The following TRIP4 variants were observed in gnomAD, a reference collection of about 807,000 sequenced individuals.
The protein encoded by TRIP4 is thyroid hormone receptor interactor 4.
A neutral mutation model predicts 81.8 loss-of-function variants in TRIP4; 54 were observed. That is an observed-to-expected ratio of 0.66 (90% CI 0.53 to 0.83). The LOEUF (loss-of-function observed/expected upper bound fraction) is 0.83, where lower values mean the gene tolerates loss of function less well. Among genes scored for constraint, TRIP4 ranks in the 40% least tolerant of loss-of-function variants. The pLI is 0.00. For missense variants in TRIP4, 662 were observed against 683.6 expected (o/e 0.97, Z 0.35); for synonymous variants, 270 against 242.8 (o/e 1.11, Z -1.04).
intron 11 of TRIP4, among the ~76,000 whole-genome samples, chr15:64,440,711 G>A (rs1047166490): frequency 6.6e-6 from 1 of 152,018 alleles, no homozygotes; most frequent in African/African-American, 2.4e-5. Flanking sequence ...TTTATTGTGA[G>A]GCATGATGGG....
At chr15:64,415,791 T>C (rs1891881088) in intron 8 of TRIP4, among the ~76,000 whole-genome samples, 4 of 152,230 alleles carry the variant, frequency 2.6e-5, no homozygotes, top group Admixed American at 2.0e-4. Flanking sequence ...CTCAACCCAG[T>C]ACAGTAAGCA....
rs35604990 is a variant in TRIP4, at chr15:64,387,884, G to C, written c.21G>C (p.Val7=). 3,066 of 1,548,410 alleles carry C rather than the reference G, an allele frequency of 2.0e-3. 60 individuals are homozygous for C. The African/African-American group carries it at 0.037, about 19-fold the overall frequency. ...GGAAGATGGCGGTGGCTGGGGCGGT[G>C]TCCGGGGAGCCGCTGGTGCACTGGT... MAVAGA[V]SGEPLVHWCT... is the part of the protein sequence containing the mutation. The change falls in exon 1 of 13, where the codon GTG becomes GTC. Residue 7 remains valine, a synonymous_variant. Coordinates refer to ENST00000261884, the MANE Select transcript of TRIP4 (RefSeq NM_016213.5).
rs1459978297 is a variant in TRIP4, at chr15:64,414,222, C to T, written c.1170+11C>T. On this transcript the variant is annotated intron_variant, in intron 8 of 12. Transcript: ENST00000261884. ...CAGTCCCCTCCCCAGGTTAGTGGAC[C>T]TTTGCTCTAACTGTTAATAAGAAGT... 1 of 1,613,138 alleles carries T rather than the reference C, an allele frequency of 6.2e-7. No individual in the cohort carries two copies. Among genetic ancestry groups the T allele is most frequent in the Non-Finnish European group, 8.5e-7 (1 of 1,179,682 alleles).
chr15:64,431,143 C>T (rs948742913), intron 11 of TRIP4, among the ~76,000 whole-genome samples: 27 of 152,054 alleles, frequency 1.8e-4, no homozygotes, highest in Admixed American at 1.3e-4. Context: ...GTATTCAAAC[C>T]AGGCACTGGA....
chr15:64,418,494 G>A lies in TRIP4; in HGVS notation c.1171-47G>A, dbSNP rs372646526. The A allele has an allele frequency of 1.1e-3, 1,678 of 1,523,524 alleles. 31 individuals carry two copies. The South Asian group carries it at 0.02, about 18-fold the overall frequency. 94.4% of individuals were successfully genotyped at this position (1,523,524 alleles called of 1,614,324 possible). Reference sequence around the variant, plus strand: ...CGCATCATTTTGTCTACCTACCCCAGATTCTTGCCTTATAAGATAGAACTG... The same window carrying A: ...CGCATCATTTTGTCTACCTACCCCAAATTCTTGCCTTATAAGATAGAACTG... On this transcript the variant is annotated intron_variant, in intron 8 of 12. Transcript: ENST00000261884.
Position 64,414,113 on chromosome 15 carries a change from A to G in TRIP4, c.1072A>G (p.Asn358Asp), listed in dbSNP as rs74019250. Residue 358 changes from asparagine to aspartate, a missense_variant, in exon 8 of 13, where the codon AAT becomes GAT. Asn to Asp is a conservative substitution (Grantham distance 23, BLOSUM62 1). Coordinates refer to ENST00000261884, the MANE Select transcript of TRIP4 (RefSeq NM_016213.5). ...RLDETIQAIA[N>D]GTLNQPLTKL... is the part of the protein sequence containing the mutation. ...AGATGAGACAATACAGGCCATTGCCAATGGAACCTTGAACCAGCCACTGAC... is the reference window on the plus strand; with the variant it reads ...AGATGAGACAATACAGGCCATTGCCGATGGAACCTTGAACCAGCCACTGAC... The G allele has an allele frequency of 3.4e-4, 555 of 1,614,138 alleles. 2 individuals carry two copies. The African/African-American group carries it at 6.7e-3, about 19-fold the overall frequency.
At chr15:64,402,860 AT>A (rs1366194772) in intron 5 of TRIP4, among the ~76,000 whole-genome samples, 1 of 148,910 alleles carries the variant, frequency 6.7e-6, no homozygotes, top group African/African-American at 2.5e-5. Context: ...TTTATTATTT[AT>A]TTAGTTAGTT....
intron 12 of TRIP4, among the ~76,000 whole-genome samples, chr15:64,446,044 G>A (rs1238980260): frequency 3.9e-5 from 6 of 152,096 alleles, no homozygotes; most frequent in South Asian, 2.1e-4. Flanking sequence ...AGGCTGAGAC[G>A]GGTGGATCAT....
chr15:64,402,756 C>T (rs1206453555), intron 5 of TRIP4, among the ~76,000 whole-genome samples: 1 of 151,906 alleles, frequency 6.6e-6, no homozygotes, highest in Non-Finnish European at 1.5e-5. Flanking sequence ...GAACTCCTGA[C>T]CTCAGATGAT....
rs376169195 is a variant in TRIP4 at position 64,414,214 on chromosome 15, T to C, written c.1170+3T>C. On this transcript the variant is annotated splice_donor_region_variant and intron_variant, in intron 8 of 12. Transcript: ENST00000261884. ...ACATGTACCAGTCCCCTCCCCAGGT[T>C]AGTGGACCTTTGCTCTAACTGTTAA... 9 of 1,613,794 alleles carry C rather than the reference T, an allele frequency of 5.6e-6. No homozygotes were observed. The highest frequency in any genetic ancestry group is 2.2e-5 in the South Asian group (2 of 91,052).
chr15:64,393,050 A>T (rs1900181225), intron 1 of TRIP4, among the ~76,000 whole-genome samples: 1 of 152,234 alleles, frequency 6.6e-6, no homozygotes, highest in Non-Finnish European at 1.5e-5. Context: ...TAATTTTTAA[A>T]AAGTTAAAGG....
intron 12 of TRIP4, among the ~76,000 whole-genome samples, chr15:64,452,955 G>GT: frequency 6.6e-6 from 1 of 152,152 alleles, no homozygotes; most frequent in South Asian, 2.1e-4. Context: ...CTGAGGTGGG[G>GT]TGGGGGATTG....
rs114068015 is a variant in TRIP4 at position 64,427,954 on chromosome 15, C to T, written c.1575+2323C>T. Among the ~76,000 whole-genome samples, 1,277 of 152,010 alleles carry T rather than the reference C, an allele frequency of 8.4e-3. 15 individuals carry two copies. The highest frequency in any genetic ancestry group is 0.029 in the African/African-American group (1,205 of 41,456). ...TCAATGTCTACTTTCTTCCTCCCCC[C>T]TCTTTTTTTTTCCCCCAGTCTAGAA... is the stretch of plus-strand genomic sequence containing the variant. On this transcript the variant is annotated intron_variant, in intron 11 of 12. Coordinates refer to ENST00000261884, the MANE Select transcript of TRIP4 (RefSeq NM_016213.5).
intron 6 of TRIP4, among the ~76,000 whole-genome samples, chr15:64,407,817 C>T (rs2140290770): frequency 6.6e-6 from 1 of 152,176 alleles, no homozygotes; most frequent in East Asian, 1.9e-4. Context: ...CCAATTTCCA[C>T]CAGGCACAGT....
chr15:64,448,564 AGT>A (rs1892684573), intron 12 of TRIP4, among the ~76,000 whole-genome samples: 1 of 152,096 alleles, frequency 6.6e-6, no homozygotes, highest in Admixed American at 6.5e-5. Context: ...CCCAGGCTCA[AGT>A]GATCCTCCCA....
chr15:64,448,117 G>A (rs1892674771), intron 12 of TRIP4, among the ~76,000 whole-genome samples: 1 of 152,156 alleles, frequency 6.6e-6, no homozygotes, highest in African/African-American at 2.4e-5. Flanking sequence ...CTGGTGGTAG[G>A]AGGAAACGGT....
intron 5 of TRIP4, among the ~76,000 whole-genome samples, chr15:64,401,475 T>G (rs1891507455): frequency 6.6e-6 from 1 of 152,182 alleles, no homozygotes; most frequent in Non-Finnish European, 1.5e-5. Context: ...TTTTGCCATG[T>G]TGGCCAGGCT....
At chr15:64,399,983 AAAAG>A (rs1478489100) in intron 4 of TRIP4, among the ~76,000 whole-genome samples, 27 of 151,784 alleles carry the variant, frequency 1.8e-4, no homozygotes, top group South Asian at 4.2e-4. Flanking sequence ...CAAAAAAAAA[AAAAG>A]AAAGAAAAAA....
At chr15:64,428,234 C>A (rs192913602) in intron 11 of TRIP4, among the ~76,000 whole-genome samples, 27 of 152,266 alleles carry the variant, frequency 1.8e-4, no homozygotes, top group Admixed American at 1.6e-3. Flanking sequence ...TCTAGATAGC[C>A]AATCTTCTTT....
Sources: gnomAD v4.1 joint callset for allele counts (sites outside exome capture counted in the v4.1 genomes callset) on GRCh38, gnomAD v4.1.1 for gene constraint, MANE v1.5 for transcripts, NCBI Gene and HGNC (gene_info 2026-07-23, HGNC 2026-07-21) for gene names.